The following SHLD1 variants were observed in gnomAD, a reference collection of about 807,000 sequenced individuals.
SHLD1 encodes the protein RINN1-REV7-interacting novel NHEJ regulator 3.
SHLD1 carries 3 observed loss-of-function variants against 5.5 expected under a neutral mutation model. That is an observed-to-expected ratio of 0.54 (90% CI 0.25 to 1.40). The LOEUF (loss-of-function observed/expected upper bound fraction) is 1.40, where lower values mean the gene tolerates loss of function less well. SHLD1 is among the 40% of genes most tolerant of loss of function. The pLI is 0.15. For synonymous variants in SHLD1, 92 were observed against 94.3 expected (o/e 0.98, Z 0.14); for missense variants, 210 against 244.4 (o/e 0.86, Z 0.94).
intron 1 of SHLD1, chr20:5,765,149 C>G (rs1984755554): frequency 6.6e-6 from 1 of 152,042 alleles, no homozygotes; most frequent in African/African-American, 2.4e-5. Flanking sequence ...TCAAGCGATC[C>G]TCCCAACTTG....
At chr20:5,784,612 G>C (rs982819611) in intron 2 of SHLD1, among the ~76,000 whole-genome samples, 4 of 151,820 alleles carry the variant, frequency 2.6e-5, no homozygotes, top group African/African-American at 9.7e-5. Flanking sequence ...CACCACGCCC[G>C]GCTAATTTTT....
chr20:5,783,647 C>T lies in SHLD1; in HGVS notation c.178+10604C>T, dbSNP rs116144763. Among the ~76,000 whole-genome samples the T allele has an allele frequency of 5.3e-3, 808 of 152,226 alleles. 7 individuals are homozygous for T. Among genetic ancestry groups the T allele is most frequent in the African/African-American group, 0.018 (766 of 41,526 alleles). On this transcript the variant is annotated intron_variant, in intron 2 of 2. Coordinates refer to ENST00000303142, the MANE Select transcript of SHLD1 (RefSeq NM_152504.4). The stretch of plus-strand genomic sequence containing the variant: ...TGAATTTTAATTGTATGGCCTGAGG[C>T]GTGAAGGATAAACCATAAGTGTATA...
chr20:5,763,939 T>A (rs1984621382), intron 1 of SHLD1, among the ~76,000 whole-genome samples: 1 of 114,428 alleles, frequency 8.7e-6, no homozygotes. Context: ...TGAAACCCCG[T>A]CTTTACTAAA....
chr20:5,850,937 G>A (rs1182263743), intron 2 of SHLD1, among the ~76,000 whole-genome samples: 1 of 152,210 alleles, frequency 6.6e-6, no homozygotes, highest in Non-Finnish European at 1.5e-5. Context: ...ATGAAAGGGA[G>A]GGACAAGTGG....
At chr20:5,856,916 T>G (rs1205501497) in intron 2 of SHLD1, among the ~76,000 whole-genome samples, 1 of 152,238 alleles carries the variant, frequency 6.6e-6, no homozygotes, top group Non-Finnish European at 1.5e-5. Flanking sequence ...AACTAAATCT[T>G]ATGTTCCCAT....
At chr20:5,789,109 CAGAG>C (rs765414033) in intron 2 of SHLD1, among the ~76,000 whole-genome samples, 6 of 150,566 alleles carry the variant, frequency 4.0e-5, no homozygotes, top group African/African-American at 1.5e-4. Flanking sequence ...GCCTGGGAGA[CAGAG>C]AGAGTGAGAC....
intron 2 of SHLD1, among the ~76,000 whole-genome samples, chr20:5,786,933 A>T (rs1452913873): frequency 6.6e-6 from 1 of 152,108 alleles, no homozygotes; most frequent in African/African-American, 2.4e-5. Context: ...GGATCCTCTC[A>T]TGTGTGCCTC....
At chr20:5,794,555 G>A (rs1173903850) in intron 2 of SHLD1, among the ~76,000 whole-genome samples, 1 of 152,084 alleles carries the variant, frequency 6.6e-6, no homozygotes, top group Non-Finnish European at 1.5e-5. Flanking sequence ...TATAATTTTA[G>A]GCAAATTATT....
intron 2 of SHLD1, among the ~76,000 whole-genome samples, chr20:5,794,404 C>T (rs2087182938): frequency 6.6e-6 from 1 of 152,178 alleles, no homozygotes; most frequent in Non-Finnish European, 1.5e-5. Flanking sequence ...CTTTATGTTG[C>T]TCAGTACGAG....
At chr20:5,857,498 AC>A (rs921427517) in intron 2 of SHLD1, among the ~76,000 whole-genome samples, 2 of 152,140 alleles carry the variant, frequency 1.3e-5, no homozygotes, top group Non-Finnish European at 2.9e-5. Flanking sequence ...AAATCCTGAT[AC>A]TTTTTCATTT....
chr20:5,769,600 G>C (rs1398795871), intron 1 of SHLD1, among the ~76,000 whole-genome samples: 1 of 152,140 alleles, frequency 6.6e-6, no homozygotes, highest in South Asian at 2.1e-4. Context: ...ACTAATAATA[G>C]AACAGTTATT....
At chr20:5,817,430 C>CTGTGTGTG (rs1348723186) in intron 2 of SHLD1, among the ~76,000 whole-genome samples, 2 of 99,576 alleles carry the variant, frequency 2.0e-5, no homozygotes, top group African/African-American at 9.4e-5. Context: ...CTCTCTCTCT[C>CTGTGTGTG]TCTGTGTGTG....
At chr20:5,794,913 T>C (rs965162900) in intron 2 of SHLD1, among the ~76,000 whole-genome samples, 9 of 148,422 alleles carry the variant, frequency 6.1e-5, no homozygotes, top group African/African-American at 2.2e-4. Flanking sequence ...GTTGGGAAAA[T>C]AAGATATGTA....
intron 2 of SHLD1, among the ~76,000 whole-genome samples, chr20:5,780,115 A>G (rs1985624327): frequency 6.6e-6 from 1 of 150,434 alleles, no homozygotes; most frequent in Non-Finnish European, 1.5e-5. Context: ...AGTAGCTGGG[A>G]TTACAGGGGT....
intron 2 of SHLD1, among the ~76,000 whole-genome samples, chr20:5,829,194 A>G (rs901937955): frequency 2.0e-5 from 3 of 152,198 alleles, no homozygotes; most frequent in Admixed American, 2.0e-4. Context: ...TTATTAATTA[A>G]TGAGTTCAGG....
chr20:5,777,679 C>T (rs961164878), intron 2 of SHLD1, among the ~76,000 whole-genome samples: 3 of 151,018 alleles, frequency 2.0e-5, no homozygotes, highest in East Asian at 2.0e-4. Context: ...AAGCGATCCT[C>T]CCGCCTCAAC....
intron 2 of SHLD1, among the ~76,000 whole-genome samples, chr20:5,792,679 TA>T (rs57720731): frequency 4.6e-4 from 65 of 142,826 alleles, no homozygotes; most frequent in Middle Eastern, 3.5e-3. Context: ...TTCTTTTTTT[TA>T]AAAAAAAAAA....
chr20:5,816,925 T>A (rs1291677096), intron 2 of SHLD1, among the ~76,000 whole-genome samples: 2 of 152,006 alleles, frequency 1.3e-5, no homozygotes, highest in African/African-American at 2.4e-5. Context: ...AATAAATAGC[T>A]GGGCGTGGTG....
chr20:5,815,308 A>G (rs1297013107), intron 2 of SHLD1, among the ~76,000 whole-genome samples: 1 of 152,218 alleles, frequency 6.6e-6, no homozygotes, highest in Non-Finnish European at 1.5e-5. Context: ...TAAAAGCTCA[A>G]GTGCTTCTAA....
Sources: allele counts gnomAD v4.1 joint callset (sites outside exome capture counted in the v4.1 genomes callset), GRCh38; gene constraint gnomAD v4.1.1; transcripts MANE v1.5; gene names NCBI Gene and HGNC (gene_info 2026-07-23, HGNC 2026-07-21).